The following SKAP1 variants were observed in gnomAD, a reference collection of about 807,000 sequenced individuals.
SKAP1 encodes src kinase associated phosphoprotein 1.
In SKAP1, 44 loss-of-function variants were observed where a neutral mutation model predicts 58.5. That is an observed-to-expected ratio of 0.75 (90% CI 0.59 to 0.97). SKAP1 has a LOEUF of 0.97. Ranked by LOEUF, SKAP1 falls within the 50% of genes least tolerant of loss-of-function variation. The pLI is 0.00. For missense variants in SKAP1, 390 were observed against 435.2 expected (o/e 0.90, Z 0.92); for synonymous variants, 127 against 149.7 (o/e 0.85, Z 1.11).
intron 4 of SKAP1, among the ~76,000 whole-genome samples, chr17:48,244,155 A>G (rs1333503963): frequency 1.3e-5 from 2 of 152,186 alleles, no homozygotes; most frequent in Non-Finnish European, 2.9e-5. Context: ...TTCAGTGTGG[A>G]TAATGTTTAA....
chr17:48,348,566 T>A (rs1322544256), intron 3 of SKAP1, among the ~76,000 whole-genome samples: 1 of 152,156 alleles, frequency 6.6e-6, no homozygotes, highest in African/African-American at 2.4e-5. Flanking sequence ...AATTGAGGTC[T>A]ATCTGCCAAA....
At chr17:48,209,273 T>C (rs1250777167) in intron 4 of SKAP1, among the ~76,000 whole-genome samples, 1 of 152,212 alleles carries the variant, frequency 6.6e-6, no homozygotes, top group Non-Finnish European at 1.5e-5. Flanking sequence ...TACATTTATG[T>C]GGGGCTTTAA....
intron 9 of SKAP1, 147 bp downstream of exon 9, chr17:48,179,907 A>G (rs2064344725): frequency 1.4e-6 from 1 of 690,388 alleles, no homozygotes; most frequent in Non-Finnish European, 2.3e-6. Context: ...CCACTTCCCT[A>G]CAATCTCATA....
chr17:48,381,301 T>C (rs1163778741), intron 2 of SKAP1, among the ~76,000 whole-genome samples: 1 of 152,248 alleles, frequency 6.6e-6, no homozygotes, highest in African/African-American at 2.4e-5. Context: ...GGTTCCATTT[T>C]GTCTTTTCAG....
At chr17:48,400,978 G>A (rs2067492576) in intron 1 of SKAP1, among the ~76,000 whole-genome samples, 1 of 128,624 alleles carries the variant, frequency 7.8e-6, no homozygotes, top group African/African-American at 2.5e-5. Flanking sequence ...ACTTGGAAAT[G>A]TAAGGAATCC....
intron 4 of SKAP1, among the ~76,000 whole-genome samples, chr17:48,224,984 C>T (rs759916471): frequency 2.0e-5 from 3 of 152,130 alleles, no homozygotes; most frequent in Non-Finnish European, 4.4e-5. Context: ...TGAATCTACT[C>T]AATTTCAACA....
At chr17:48,388,158 G>A (rs1015746102) in intron 2 of SKAP1, among the ~76,000 whole-genome samples, 1 of 152,096 alleles carries the variant, frequency 6.6e-6, no homozygotes, top group African/African-American at 2.4e-5. Context: ...TTATGGGGCT[G>A]GGCTTGGTGG....
Position 48,266,822 on chromosome 17 carries a change from T to C in SKAP1, c.281-77322A>G, listed in dbSNP as rs2065557595. 2.0e-5 allele frequency among the ~76,000 whole-genome samples: 3 copies of C among 152,160 alleles called. No individual in the cohort carries two copies. The South Asian group carries it at 6.2e-4, about 32-fold the overall frequency. ...ACCGTGCCCGGCCCTGTTTTCCTTT[T>C]CTTATTCCTCTTTTTCTCTTTTTTG... On this transcript the variant is annotated intron_variant, in intron 4 of 12. Transcript: ENST00000336915.
At chr17:48,340,006 C>A (rs975337011) in intron 4 of SKAP1, among the ~76,000 whole-genome samples, 1 of 152,034 alleles carries the variant, frequency 6.6e-6, no homozygotes, top group Non-Finnish European at 1.5e-5. Context: ...CATGATGAAA[C>A]CCTGTCTTTA....
chr17:48,389,232 A>G (rs2067315561), intron 2 of SKAP1, among the ~76,000 whole-genome samples: 1 of 152,154 alleles, frequency 6.6e-6, no homozygotes, highest in South Asian at 2.1e-4. Flanking sequence ...TGTAAACTCT[A>G]TTAATTGTCT....
chr17:48,182,299 A>C, intron 8 of SKAP1, 95 bp downstream of exon 8: 1 of 902,184 alleles, frequency 1.1e-6, no homozygotes, highest in South Asian at 1.6e-5. Flanking sequence ...GAAAGGGCAG[A>C]AAAAATACAT....
intron 3 of SKAP1, among the ~76,000 whole-genome samples, chr17:48,360,427 G>C (rs921605659): frequency 6.6e-6 from 1 of 151,940 alleles, no homozygotes; most frequent in Non-Finnish European, 1.5e-5. Context: ...TCAAATCTAA[G>C]GGCAAAATTA....
chr17:48,170,496 A>G lies in SKAP1; in HGVS notation c.877+113T>C. 5.6e-6 allele frequency: 5 copies of G among 893,712 alleles called. No homozygotes were observed. The East Asian group carries it at 1.2e-4, about 22-fold the overall frequency. The allele number at this position is 893,712 out of a possible 1,614,324, so 55.4% of individuals were successfully genotyped here. A position where few individuals can be genotyped will look rare whatever the true frequency, so the allele number is the denominator to read the frequency against. ...AGGGCTTTGGGGTTCACACACAGGT[A>G]CCCTCTTAATTATTGAGTTCAGTAA... On this transcript the variant is annotated intron_variant, in intron 10 of 12. Transcript: ENST00000336915.
At chr17:48,410,367 A>G (rs1598671562) in intron 1 of SKAP1, among the ~76,000 whole-genome samples, 1 of 152,166 alleles carries the variant, frequency 6.6e-6, no homozygotes, top group Non-Finnish European at 1.5e-5. Context: ...ATTAATACAT[A>G]CACGTGTATT....
chr17:48,420,146 T>C (rs1360048153), intron 1 of SKAP1, among the ~76,000 whole-genome samples: 1 of 152,212 alleles, frequency 6.6e-6, no homozygotes, highest in African/African-American at 2.4e-5. Context: ...GCAGAAATTA[T>C]AGGATTTCTG....
chr17:48,339,559 C>G (rs1182701779), intron 4 of SKAP1, among the ~76,000 whole-genome samples: 1 of 151,136 alleles, frequency 6.6e-6, no homozygotes, highest in Non-Finnish European at 1.5e-5. Flanking sequence ...CCTATTGGTG[C>G]TAGAATACTA....
intron 4 of SKAP1, among the ~76,000 whole-genome samples, chr17:48,234,858 T>C (rs1288167655): frequency 1.3e-5 from 2 of 152,226 alleles, no homozygotes; most frequent in African/African-American, 4.8e-5. Flanking sequence ...AGGATGAGTT[T>C]TGAAATCATG....
chr17:48,290,735 C>A (rs1328914568), intron 4 of SKAP1, among the ~76,000 whole-genome samples: 1 of 152,074 alleles, frequency 6.6e-6, no homozygotes, highest in Non-Finnish European at 1.5e-5. Flanking sequence ...ATAGTAGGTG[C>A]CCAGTAAATA....
At chr17:48,387,528 A>G (rs956944119) in intron 2 of SKAP1, among the ~76,000 whole-genome samples, 4 of 152,210 alleles carry the variant, frequency 2.6e-5, no homozygotes, top group African/African-American at 9.6e-5. Context: ...AAGGACAGAA[A>G]AATCAGTTCT....
Sources: gnomAD v4.1 joint callset for allele counts (sites outside exome capture counted in the v4.1 genomes callset) on GRCh38, gnomAD v4.1.1 for gene constraint, MANE v1.5 for transcripts, NCBI Gene and HGNC (gene_info 2026-07-23, HGNC 2026-07-21) for gene names.